PLPP1: variants seen among roughly 807,000 people sequenced by gnomAD.
The protein encoded by PLPP1 is lipid phosphate phosphohydrolase 1a.
A neutral mutation model predicts 31.2 loss-of-function variants in PLPP1; 24 were observed. That is an observed-to-expected ratio of 0.77 (90% CI 0.56 to 1.08). PLPP1 has a LOEUF of 1.08. Ranked by LOEUF, PLPP1 falls within the 50% of genes least tolerant of loss-of-function variation. PLPP1 has a pLI of 0.00. For synonymous variants in PLPP1, 146 were observed against 126.3 expected, an observed-to-expected ratio of 1.16 and a Z score of -1.05; for missense variants, 319 against 342.7, an observed-to-expected ratio of 0.93 and a Z score of 0.55.
chr5:55,482,016 A>G (rs910173397), intron 1 of PLPP1, among the ~76,000 whole-genome samples: 2 of 148,184 alleles, frequency 1.3e-5, no homozygotes, highest in African/African-American at 4.9e-5. Context: ...TTATTTTTAT[A>G]AGATCTATAA....
At chr5:55,506,658 A>T (rs1228625537) in intron 1 of PLPP1, among the ~76,000 whole-genome samples, 1 of 152,244 alleles carries the variant, frequency 6.6e-6, no homozygotes, top group Non-Finnish European at 1.5e-5. Flanking sequence ...AAGGTAATAA[A>T]TAAAACTAAT....
intron 3 of PLPP1, among the ~76,000 whole-genome samples, chr5:55,448,030 G>T (rs6860872): frequency 0.87 from 132,656 of 152,214 alleles, 58,040 homozygotes; most frequent in South Asian, 0.92. Context: ...CTGATAATCT[G>T]TAAACATGGA....
intron 1 of PLPP1, among the ~76,000 whole-genome samples, chr5:55,478,936 G>A (rs2111820871): frequency 6.6e-6 from 1 of 152,110 alleles, no homozygotes; most frequent in South Asian, 2.1e-4. Context: ...AAGAAAAGAG[G>A]CTGCCACCAC....
chr5:55,479,312 C>T (rs1249139148), intron 1 of PLPP1, among the ~76,000 whole-genome samples: 1 of 152,196 alleles, frequency 6.6e-6, no homozygotes, highest in East Asian at 1.9e-4. Context: ...TAGGCGTGAG[C>T]CAGTGTGCCT....
intron 3 of PLPP1, among the ~76,000 whole-genome samples, chr5:55,459,887 T>G (rs1478839630): frequency 1.3e-5 from 2 of 152,104 alleles, no homozygotes; most frequent in Non-Finnish European, 2.9e-5. Context: ...GTGAAGAAAA[T>G]GAGGATAAAG....
chr5:55,527,442 C>A (rs1223885280), intron 1 of PLPP1, among the ~76,000 whole-genome samples: 1 of 152,174 alleles, frequency 6.6e-6, no homozygotes, highest in East Asian at 1.9e-4. Flanking sequence ...GCTGAGGGAA[C>A]CATAACCCCC....
rs35680320 is a variant in PLPP1, at chr5:55,464,235, CTTTT to C, written c.491+3630_491+3633del. 4.2e-3 allele frequency among the ~76,000 whole-genome samples: 589 copies of C among 139,268 alleles called. 4 individuals are homozygous for C. Among genetic ancestry groups the C allele is most frequent in the African/African-American group, 0.015 (562 of 37,758 alleles). 91.4% of individuals were successfully genotyped at this position (139,268 alleles called of 152,430 possible). ...ACTGGTACACAAATGTTCAGAACAT[CTTTT>C]TTTTTTTTTTTTTTAAGAAGCAGTC... On this transcript the variant is annotated intron_variant, in intron 3 of 5. Transcript: ENST00000307259.
intron 1 of PLPP1, among the ~76,000 whole-genome samples, chr5:55,533,023 C>CA (rs1466082389): frequency 2.0e-5 from 3 of 150,912 alleles, no homozygotes; most frequent in Non-Finnish European, 4.4e-5. Flanking sequence ...TCCTAAAACT[C>CA]ACTGTGGACC....
Position 55,425,940 on chromosome 5 carries a change from G to A in PLPP1, c.649C>T (p.Arg217Ter), listed in dbSNP as rs1385744531. Residue 217 changes from arginine to a stop codon, truncating the protein, a stop_gained, in exon 5 of 6, where the codon CGA (arginine) becomes TGA (stop). Coordinates refer to ENST00000307259, the MANE Select transcript of PLPP1 (RefSeq NM_003711.4). LOFTEE classifies it high-confidence loss of function. The stretch of plus-strand genomic sequence containing the variant: ...CAGTGGTGTTTATAATCAGAAACTC[G>A]AGAAAGGCCCACATAAATGGATACG... The part of the protein sequence containing the change: ...VAVSIYVGLS[R>*]VSDYKHHWSD... 15 of 1,613,936 alleles carry A rather than the reference G, an allele frequency of 9.3e-6. No homozygotes were observed. Among genetic ancestry groups the A allele is most frequent in the East Asian group, 6.7e-5 (3 of 44,878 alleles).
At chr5:55,444,756 T>TGTGTGTGTGTGTGTGG (rs1441717051) in intron 3 of PLPP1, among the ~76,000 whole-genome samples, 1 of 150,880 alleles carries the variant, frequency 6.6e-6, no homozygotes, top group East Asian at 1.9e-4. Flanking sequence ...TGTGTGTGTG[T>TGTGTGTGTGTGTGTGG]GTGTGTGTGT....
At chr5:55,442,782 T>G (rs1444634153) in intron 3 of PLPP1, among the ~76,000 whole-genome samples, 2 of 152,184 alleles carry the variant, frequency 1.3e-5, no homozygotes, top group East Asian at 3.9e-4. Flanking sequence ...CACCTAAAAA[T>G]GACAGAATGC....
rs569015314 is a variant in PLPP1 at position 55,482,769 on chromosome 5, T to C, written c.59-7319A>G. Among the ~76,000 whole-genome samples, 4 of 152,324 alleles carry C rather than the reference T, an allele frequency of 2.6e-5. No homozygotes were observed. The South Asian group carries it at 8.3e-4, about 32-fold the overall frequency. ...CTTCGCCATAAGAACACTTTACTTA[T>C]ATAGTACTTTACACTTTATAAAAAT... is the stretch of plus-strand genomic sequence containing the variant. On this transcript the variant is annotated intron_variant, in intron 1 of 5. Coordinates refer to ENST00000307259, the MANE Select transcript of PLPP1 (RefSeq NM_003711.4).
At chr5:55,435,846 G>A (rs1316159855) in intron 4 of PLPP1, among the ~76,000 whole-genome samples, 2 of 151,930 alleles carry the variant, frequency 1.3e-5, no homozygotes, top group African/African-American at 4.8e-5. Flanking sequence ...CCACAGTTAG[G>A]CTATTTCTAT....
At chr5:55,531,044 G>T (rs184699094) in intron 1 of PLPP1, among the ~76,000 whole-genome samples, 12 of 152,310 alleles carry the variant, frequency 7.9e-5, no homozygotes, top group Admixed American at 7.8e-4. Context: ...CTTTTCTCAT[G>T]CGCTCAGATA....
At chr5:55,512,491 A>AG (rs1561253071) in intron 1 of PLPP1, among the ~76,000 whole-genome samples, 24 of 16,848 alleles carry the variant, frequency 1.4e-3, no homozygotes, top group African/African-American at 3.6e-3. Flanking sequence ...AAAGAAAGAA[A>AG]GAAAGAAAAG....
intron 1 of PLPP1, among the ~76,000 whole-genome samples, chr5:55,524,638 C>T (rs1455782480): frequency 6.6e-6 from 1 of 151,968 alleles, no homozygotes; most frequent in Non-Finnish European, 1.5e-5. Flanking sequence ...GGTGAAACCC[C>T]ATCTCTACTA....
chr5:55,512,500 A>AAG (rs1491065661), intron 1 of PLPP1, among the ~76,000 whole-genome samples: 1,993 of 11,964 alleles, frequency 0.17, 166 homozygotes, highest in African/African-American at 0.26. Flanking sequence ...AAGAAAGAAA[A>AAG]GAAAAGAAAA....
At chr5:55,443,195 AT>A (rs1751672485) in intron 3 of PLPP1, among the ~76,000 whole-genome samples, 23 of 112,288 alleles carry the variant, frequency 2.0e-4, no homozygotes, top group South Asian at 9.2e-4. Context: ...AAAAAAAAAT[AT>A]ATATATATAT....
intron 1 of PLPP1, among the ~76,000 whole-genome samples, chr5:55,483,035 A>C (rs748712537): frequency 7.9e-5 from 12 of 152,166 alleles, no homozygotes; most frequent in Non-Finnish European, 1.0e-4. Context: ...AAACTTTTCA[A>C]ATGTGGTATT....
Sources: allele counts gnomAD v4.1 joint callset (sites outside exome capture counted in the v4.1 genomes callset), GRCh38; gene constraint gnomAD v4.1.1; transcripts MANE v1.5; gene names NCBI Gene and HGNC (gene_info 2026-07-23, HGNC 2026-07-21).